The following PRDM1 variants were observed in gnomAD, a reference collection of about 807,000 sequenced individuals.
PRDM1 encodes the protein PR/SET domain 1, also known as PR domain zinc finger protein 1.
PRDM1 carries 13 observed loss-of-function variants against 62.8 expected under a neutral mutation model. The observed-to-expected ratio is 0.21, with a 90% CI of 0.13 to 0.33. The LOEUF is 0.33. Among genes scored for constraint, PRDM1 ranks in the 10% least tolerant of loss-of-function variants. PRDM1 has a pLI of 1.00. For synonymous variants in PRDM1, 396 were observed against 417.6 expected (o/e 0.95, Z 0.63); for missense variants, 895 against 1,058.8 (o/e 0.85, Z 2.15).
chr6:106,050,025 G>A (rs752699677), intron 1 of PRDM1, among the ~76,000 whole-genome samples: 2 of 152,056 alleles, frequency 1.3e-5, no homozygotes, highest in Non-Finnish European at 2.9e-5. Flanking sequence ...AGTAGCATAG[G>A]AGATGACACT....
chr6:106,064,506 ACTC>A lies in PRDM1; in HGVS notation c.-67+15795_-67+15797del, dbSNP rs1194662158. Among the ~76,000 whole-genome samples, 3 of 152,124 alleles carry A rather than the reference ACTC, an allele frequency of 2.0e-5. No individual in the cohort carries two copies. In the South Asian group the frequency reaches 6.2e-4, roughly 32 times the overall value. ...TTTTGAGGACCACCAGAATAATTCT[ACTC>A]CTATGTGAAAGGGGAGATGGGAAGC... On this transcript the variant is annotated intron_variant, in intron 1 of 6. Coordinates refer to the PRDM1 transcript ENST00000651185.
At chr6:106,030,724 A>G (rs1202946842) in intron 1 of PRDM1, among the ~76,000 whole-genome samples, 1 of 152,084 alleles carries the variant, frequency 6.6e-6, no homozygotes, top group African/African-American at 2.4e-5. Context: ...GATAAGGGTC[A>G]ATTTTTATTT....
upstream of PRDM1, among the ~76,000 whole-genome samples, chr6:106,083,655 C>T (rs1346126670): frequency 6.6e-6 from 1 of 152,182 alleles, no homozygotes; most frequent in African/African-American, 2.4e-5. Context: ...AACTATTTGG[C>T]TCATTCATGA....
At position 106,108,357 on chromosome 6, in the gene PRDM1, G is replaced by A. The variant is rs772945512; in HGVS notation, c.*871G>A. 4 of 233,232 alleles carry A rather than the reference G, an allele frequency of 1.7e-5. No individual in the cohort carries two copies. The highest frequency in any genetic ancestry group is 1.8e-4 in the South Asian group (1 of 5,484). The allele number at this position is 233,232 out of a possible 1,614,324, so 14.4% of individuals were successfully genotyped here. On this transcript the variant is annotated 3_prime_UTR_variant, in exon 7 of 7. Coordinates refer to ENST00000369096, the MANE Select transcript of PRDM1 (RefSeq NM_001198.4). ...ACCGAGTCCTGTGGCCATTCAGAGCGGCCACATGACTTTTGCATCCATTGT... is the reference window on the plus strand; with the variant it reads ...ACCGAGTCCTGTGGCCATTCAGAGCAGCCACATGACTTTTGCATCCATTGT...
intron 1 of PRDM1, 67 bp downstream of exon 1, chr6:106,086,662 TA>T (rs1490667489): frequency 1.5e-6 from 2 of 1,373,206 alleles, no homozygotes; most frequent in African/African-American, 1.5e-5. Context: ...TCTTTTCCTT[TA>T]TTGTTATTAT....
chr6:106,101,298 CTT>C (rs944515763), intron 4 of PRDM1, among the ~76,000 whole-genome samples: 9 of 152,176 alleles, frequency 5.9e-5, no homozygotes, highest in South Asian at 2.1e-4. Context: ...CACCAAGAAA[CTT>C]TTTTGCATGC....
intron 1 of PRDM1, among the ~76,000 whole-genome samples, chr6:106,050,004 A>G (rs751344472): frequency 1.3e-5 from 2 of 152,156 alleles, no homozygotes; most frequent in Non-Finnish European, 2.9e-5. Flanking sequence ...AAATATTCAT[A>G]TTTGGTGCAG....
rs777168345 is a variant in PRDM1 at position 106,105,145 on chromosome 6, A to T, written c.985A>T (p.Ile329Phe). 3.1e-6 allele frequency: 5 copies of T among 1,613,098 alleles called. No individual in the cohort carries two copies. The highest frequency in any genetic ancestry group is 4.2e-6 in the Non-Finnish European group (5 of 1,179,612). The change falls in exon 5 of 7, where the codon ATT (isoleucine) becomes TTT (phenylalanine). Residue 329 changes from isoleucine to phenylalanine, a missense_variant. Around this residue, in one of 4 missense-constraint regions of PRDM1, gnomAD observed 444 missense variants for 422.7 expected, o/e 1.05. Coordinates refer to ENST00000369096, the MANE Select transcript of PRDM1 (RefSeq NM_001198.4). ...ACCCACGTACATCACTCGCTCCCCC[A>T]TTCCATCCTCCACCACTCCAAGCCC... ...ERPTYITRSP[I>F]PSSTTPSPSA... is the part of the protein sequence containing the mutation.
At chr6:106,103,332 T>G (rs1774332124) in intron 4 of PRDM1, among the ~76,000 whole-genome samples, 1 of 152,206 alleles carries the variant, frequency 6.6e-6, no homozygotes, top group East Asian at 1.9e-4. Context: ...AGTTCATTTC[T>G]AGACCTATCA....
chr6:106,070,078 AATC>A (rs1307721360), intron 1 of PRDM1, among the ~76,000 whole-genome samples: 1 of 152,140 alleles, frequency 6.6e-6, no homozygotes, highest in Non-Finnish European at 1.5e-5. Context: ...TAGCTAAATC[AATC>A]TTCAAAGGCT....
chr6:106,095,843 C>A, intron 3 of PRDM1, 109 bp downstream of exon 3: 2 of 1,221,520 alleles, frequency 1.6e-6, no homozygotes, highest in Non-Finnish European at 1.1e-6. Context: ...CTGGGGCTCA[C>A]CCATAAGTAT....
upstream of PRDM1, among the ~76,000 whole-genome samples, chr6:106,047,961 G>A (rs929068600): frequency 5.3e-5 from 8 of 152,206 alleles, no homozygotes; most frequent in African/African-American, 1.7e-4. Context: ...ATATTTGGCA[G>A]TTCTTAAACG....
At chr6:106,053,503 T>G (rs1483629025) in intron 1 of PRDM1, among the ~76,000 whole-genome samples, 1 of 152,188 alleles carries the variant, frequency 6.6e-6, no homozygotes, top group Non-Finnish European at 1.5e-5. Context: ...TATTCTATTG[T>G]ATCTATTATG....
rs1774402811 is a variant in PRDM1, at chr6:106,104,902, T to C, written c.742T>C (p.Tyr248His). Residue 248 changes from tyrosine to histidine, a missense_variant, in exon 5 of 7, where the codon TAC becomes CAC. Tyr to His is a moderately conservative substitution (Grantham distance 83, BLOSUM62 2). Coordinates refer to ENST00000369096, the MANE Select transcript of PRDM1 (RefSeq NM_001198.4). ...LCPKNVPKRE[Y>H]SVKEILKLDS... is the part of the protein sequence containing the mutation. ...CCCAAAGAATGTCCCAAAGAGAGAG[T>C]ACAGCGTGAAAGAAATCCTAAAATT... The C allele has an allele frequency of 1.9e-6, 3 of 1,613,398 alleles. No individual in the cohort carries two copies. The highest frequency in any genetic ancestry group is 2.5e-6 in the Non-Finnish European group (3 of 1,179,838).
chr6:106,049,035 C>T (rs1274568420), intron 1 of PRDM1, among the ~76,000 whole-genome samples: 5 of 152,066 alleles, frequency 3.3e-5, no homozygotes, highest in African/African-American at 1.2e-4. Flanking sequence ...AGGCTGGTCT[C>T]GAACTCCTGG....
chr6:106,095,536 A>G (rs1365381866), intron 2 of PRDM1, 79 bp from the exon 3 acceptor site: 3 of 1,498,908 alleles, frequency 2.0e-6, no homozygotes, highest in African/African-American at 1.4e-5. Context: ...ACTACTTGAC[A>G]GTCCAATTTA....
At chr6:106,012,595 T>TA (rs1342819793) in intron 1 of PRDM1, among the ~76,000 whole-genome samples, 1 of 151,906 alleles carries the variant, frequency 6.6e-6, no homozygotes, top group Non-Finnish European at 1.5e-5. Flanking sequence ...ACACCACACA[T>TA]ATTGCATGTG....
chr6:106,046,697 C>G (rs1335546167), upstream of PRDM1: 1 of 152,154 alleles, frequency 6.6e-6, no homozygotes, highest in African/African-American at 2.4e-5. Flanking sequence ...TGGCCTCTGC[C>G]CGGCAGGGCT....
chr6:106,059,719 A>G (rs1388756784), intron 1 of PRDM1, among the ~76,000 whole-genome samples: 1 of 152,238 alleles, frequency 6.6e-6, no homozygotes, highest in Admixed American at 6.5e-5. Context: ...GTCTAGGCAA[A>G]TGATGACAGA....
Sources: allele counts gnomAD v4.1 joint callset (sites outside exome capture counted in the v4.1 genomes callset), GRCh38; gene constraint gnomAD v4.1.1; regional missense constraint gnomAD v4.1.1; transcripts MANE v1.5; gene names NCBI Gene and HGNC (gene_info 2026-07-23, HGNC 2026-07-21).